The following WWC2 variants were observed in gnomAD, a reference collection of about 807,000 sequenced individuals.
The protein encoded by WWC2 is protein WWC2.
WWC2 carries 101 observed loss-of-function variants against 138.5 expected under a neutral mutation model. The ratio of observed to expected loss-of-function variants is 0.73; its 90% CI spans 0.62 to 0.86. The LOEUF (loss-of-function observed/expected upper bound fraction) is 0.86. Among genes scored for constraint, WWC2 ranks in the 40% least tolerant of loss-of-function variants. The pLI, the probability that WWC2 is intolerant of heterozygous loss-of-function variation, is 0.00. For synonymous variants in WWC2, 558 were observed against 538.4 expected (o/e 1.04, Z -0.50); for missense variants, 1,420 against 1,419.4 (o/e 1.00, Z -0.01).
intron 21 of WWC2, among the ~76,000 whole-genome samples, chr4:183,301,988 C>A (rs1200334631): frequency 1.3e-5 from 2 of 152,178 alleles, no homozygotes; most frequent in African/African-American, 4.8e-5. Flanking sequence ...ATGTGATGAA[C>A]AGCTTTCCAT....
At chr4:183,185,406 G>A (rs1010930351) in intron 1 of WWC2, among the ~76,000 whole-genome samples, 2 of 152,156 alleles carry the variant, frequency 1.3e-5, no homozygotes, top group Non-Finnish European at 2.9e-5. Flanking sequence ...AAAGCATAAA[G>A]CATACAGTTT....
intron 1 of WWC2, among the ~76,000 whole-genome samples, chr4:183,169,528 C>T (rs1210354346): frequency 2.6e-5 from 4 of 152,130 alleles, no homozygotes; most frequent in African/African-American, 9.7e-5. Flanking sequence ...CCTGCCACAG[C>T]CTCCTACAGT....
chr4:183,249,792 T>C, intron 7 of WWC2, 128 bp from the exon 8 acceptor site: 2 of 662,348 alleles, frequency 3.0e-6, no homozygotes, highest in Non-Finnish European at 5.1e-6. Flanking sequence ...CTTTTAAAAT[T>C]GGTGTTTCCC....
chr4:183,183,022 G>A (rs1734681809), intron 1 of WWC2, among the ~76,000 whole-genome samples: 1 of 152,212 alleles, frequency 6.6e-6, no homozygotes. Flanking sequence ...GTGCTAGAGA[G>A]CGAGAAGAAG....
At position 183,099,521 on chromosome 4, in the gene WWC2, G is replaced by C; in HGVS notation, c.30G>C (p.Leu10=). 1 of 1,394,338 alleles carries C rather than the reference G, an allele frequency of 7.2e-7. No individual in the cohort carries two copies. The highest frequency in any genetic ancestry group is 9.5e-7 in the Non-Finnish European group (1 of 1,057,052). 86.4% of individuals were successfully genotyped at this position (1,394,338 alleles called of 1,614,324 possible). The change falls in exon 1 of 23, where the codon CTG becomes CTC. Residue 10 remains leucine, a synonymous_variant. Coordinates refer to ENST00000403733, the MANE Select transcript of WWC2 (RefSeq NM_024949.6). MPRRAGSGQ[L]PLPRGWEEAR... The stretch of plus-strand genomic sequence containing the variant: ...CTAGGAGGGCCGGGAGCGGTCAGCT[G>C]CCGCTGCCCCGGGGCTGGGAGGAGG...
intron 1 of WWC2, among the ~76,000 whole-genome samples, chr4:183,134,072 G>A (rs72695781): frequency 0.024 from 3,715 of 151,928 alleles, 73 homozygotes; most frequent in Non-Finnish European, 0.037. Flanking sequence ...CCCTATGTCC[G>A]AATTTGTTAG....
chr4:183,283,763 C>T (rs979464845), intron 18 of WWC2, among the ~76,000 whole-genome samples: 4 of 152,118 alleles, frequency 2.6e-5, no homozygotes, highest in African/African-American at 9.7e-5. Context: ...CTATTTAAAC[C>T]TACAAGTTTG....
chr4:183,212,181 G>T (rs2111247640), intron 4 of WWC2, among the ~76,000 whole-genome samples: 1 of 152,238 alleles, frequency 6.6e-6, no homozygotes, highest in Middle Eastern at 3.4e-3. Flanking sequence ...TCAAATAGAT[G>T]TATGTGTTTG....
intron 21 of WWC2, among the ~76,000 whole-genome samples, chr4:183,309,056 G>C (rs1030643285): frequency 5.3e-5 from 8 of 152,142 alleles, no homozygotes; most frequent in African/African-American, 1.9e-4. Flanking sequence ...TCTGGATATA[G>C]ACCCTTCTGC....
chr4:183,235,725 A>G (rs1736403363), intron 4 of WWC2, among the ~76,000 whole-genome samples: 1 of 152,180 alleles, frequency 6.6e-6, no homozygotes, highest in African/African-American at 2.4e-5. Flanking sequence ...GTTTTAATCC[A>G]TGCATCTGTC....
chr4:183,146,898 A>G (rs997534194), intron 1 of WWC2, among the ~76,000 whole-genome samples: 4 of 152,218 alleles, frequency 2.6e-5, no homozygotes, highest in African/African-American at 7.2e-5. Context: ...TCCTTAGTCA[A>G]TCATGGGAGG....
At chr4:183,155,189 G>GGAGA (rs770609371) in intron 1 of WWC2, among the ~76,000 whole-genome samples, 3,229 of 103,160 alleles carry the variant, frequency 0.031, 134 homozygotes, top group African/African-American at 0.098. Flanking sequence ...CATCTTCTGA[G>GGAGA]GAGAGAGAGA....
intron 1 of WWC2, among the ~76,000 whole-genome samples, chr4:183,159,253 A>G (rs753547224): frequency 4.6e-5 from 7 of 152,158 alleles, no homozygotes; most frequent in Non-Finnish European, 8.8e-5. Flanking sequence ...AAATTACTCT[A>G]GTTTTCTGAC....
chr4:183,099,495 C>A lies in WWC2; in HGVS notation c.4C>A (p.Pro2Thr). The change falls in exon 1 of 23, where the codon CCT becomes ACT. Residue 2 changes from proline (P) to threonine (T), a missense_variant. By Grantham distance (38) the Pro-to-Thr change is conservative. Coordinates refer to ENST00000403733, the MANE Select transcript of WWC2 (RefSeq NM_024949.6). M[P>T]RRAGSGQLPL... ...CTCGCCGGCGAGGCCGCCGACCATG[C>A]CTAGGAGGGCCGGGAGCGGTCAGCT... 1 of 1,351,612 alleles carries A rather than the reference C, an allele frequency of 7.4e-7. No homozygotes were observed. Among genetic ancestry groups the A allele is most frequent in the South Asian group, 1.8e-5 (1 of 55,940 alleles). 83.7% of individuals were successfully genotyped at this position (1,351,612 alleles called of 1,614,324 possible).
At chr4:183,104,176 G>T (rs1321733199) in intron 1 of WWC2, among the ~76,000 whole-genome samples, 1 of 152,126 alleles carries the variant, frequency 6.6e-6, no homozygotes, top group East Asian at 1.9e-4. Flanking sequence ...TGTTGGCCAG[G>T]CTGGCAAATT....
At chr4:183,241,880 T>C (rs1736634248) in intron 5 of WWC2, among the ~76,000 whole-genome samples, 1 of 152,232 alleles carries the variant, frequency 6.6e-6, no homozygotes, top group African/African-American at 2.4e-5. Context: ...CGCGTCACCA[T>C]TTGGGATTAA....
intron 1 of WWC2, 138 bp from the exon 2 acceptor site, chr4:183,193,461 A>G (rs1490171468): frequency 1.3e-5 from 9 of 695,998 alleles, no homozygotes; most frequent in East Asian, 2.7e-5. Context: ...GGATATATAC[A>G]TCTGTATTTT....
intron 4 of WWC2, among the ~76,000 whole-genome samples, chr4:183,218,113 AC>A (rs957199217): frequency 2.6e-4 from 40 of 152,314 alleles, no homozygotes; most frequent in African/African-American, 8.9e-4. Context: ...GAGTACCAAT[AC>A]TAAAAGAAAA....
intron 21 of WWC2, among the ~76,000 whole-genome samples, chr4:183,307,504 C>CTA (rs1739061951): frequency 6.6e-6 from 1 of 152,138 alleles, no homozygotes; most frequent in South Asian, 2.1e-4. Flanking sequence ...AACTACAGCC[C>CTA]TATATCTCTT....
Sources: gnomAD v4.1 joint callset for allele counts (sites outside exome capture counted in the v4.1 genomes callset) on GRCh38, gnomAD v4.1.1 for gene constraint, MANE v1.5 for transcripts, NCBI Gene and HGNC (gene_info 2026-07-23, HGNC 2026-07-21) for gene names.